HYCC1: variants seen among roughly 807,000 people sequenced by gnomAD.
HYCC1 encodes the protein hyccin.
chr7:22,982,867 G>T, the HYCC1 span, among the ~76,000 whole-genome samples: 1 of 152,076 alleles, frequency 6.6e-6, no homozygotes, highest in Admixed American at 6.6e-5. Flanking sequence ...TCCTATCACA[G>T]CCTTACCCTC....
chr7:22,975,928 C>A, the HYCC1 span, among the ~76,000 whole-genome samples: 2 of 152,068 alleles, frequency 1.3e-5, no homozygotes, highest in African/African-American at 4.8e-5. Flanking sequence ...CTATGTTGCC[C>A]AGGCTGGTTT....
the HYCC1 span, chr7:23,014,113 ACTGCCG>A: frequency 8.5e-6 from 4 of 468,278 alleles, no homozygotes; most frequent in Non-Finnish European, 1.8e-5. Context: ...GAGAGCCACC[ACTGCCG>A]CCAGCCTCTC....
chr7:22,914,041 C>A, the HYCC1 span, among the ~76,000 whole-genome samples: 1 of 152,234 alleles, frequency 6.6e-6, no homozygotes, highest in African/African-American at 2.4e-5. Flanking sequence ...CCTTCCAATT[C>A]CAGTTCTTTT....
chr7:22,914,395 C>G, the HYCC1 span, among the ~76,000 whole-genome samples: 1 of 152,196 alleles, frequency 6.6e-6, no homozygotes. Flanking sequence ...ACCGTCTATT[C>G]CCCCTTCTTC....
At chr7:23,000,897 AACT>A in the HYCC1 span, among the ~76,000 whole-genome samples, 1 of 148,896 alleles carries the variant, frequency 6.7e-6, no homozygotes. Flanking sequence ...AAATTTAACT[AACT>A]ACTTGACAAA....
the HYCC1 span, among the ~76,000 whole-genome samples, chr7:22,982,895 T>C: frequency 9.3e-3 from 1,420 of 152,330 alleles, 17 homozygotes; most frequent in Admixed American, 0.038. Flanking sequence ...AACTACTGCA[T>C]TAGCCTATTC....
the HYCC1 span, among the ~76,000 whole-genome samples, chr7:22,897,306 T>C: frequency 2.6e-5 from 4 of 152,180 alleles, no homozygotes; most frequent in South Asian, 8.3e-4. Flanking sequence ...CTGATTTTAT[T>C]CAGTGACAGG....
the HYCC1 span, among the ~76,000 whole-genome samples, chr7:22,990,546 C>T: frequency 0.19 from 29,156 of 152,182 alleles, 3,389 homozygotes; most frequent in Non-Finnish European, 0.26. Context: ...ACTATTTTAG[C>T]TATCCTAGAG....
At chr7:22,897,651 G>T in the HYCC1 span, among the ~76,000 whole-genome samples, 7 of 152,138 alleles carry the variant, frequency 4.6e-5, no homozygotes, top group South Asian at 1.4e-3. Context: ...TTTGAGGCAA[G>T]GTCTTGCTCT....
chr7:22,945,650 A>T, the HYCC1 span: 1 of 1,613,772 alleles, frequency 6.2e-7, no homozygotes, highest in Non-Finnish European at 8.5e-7. Context: ...TTGATGCTTC[A>T]TTGGAAGTTC....
chr7:22,998,231 T>C, the HYCC1 span, among the ~76,000 whole-genome samples: 1 of 152,226 alleles, frequency 6.6e-6, no homozygotes, highest in South Asian at 2.1e-4. Flanking sequence ...GCAAACAGAA[T>C]GCTATGAAAC....
At chr7:23,003,023 G>A in the HYCC1 span, among the ~76,000 whole-genome samples, 1 of 152,072 alleles carries the variant, frequency 6.6e-6, no homozygotes, top group East Asian at 1.9e-4. Context: ...TACTGAATTA[G>A]GACCCATCCT....
chr7:22,923,429 T>C, the HYCC1 span, among the ~76,000 whole-genome samples: 1 of 152,186 alleles, frequency 6.6e-6, no homozygotes, highest in African/African-American at 2.4e-5. Flanking sequence ...AATTTATAGA[T>C]GTAACTTCCT....
At chr7:22,975,047 G>C in the HYCC1 span, among the ~76,000 whole-genome samples, 2 of 152,026 alleles carry the variant, frequency 1.3e-5, no homozygotes, top group Non-Finnish European at 1.5e-5. Flanking sequence ...ACCCAGTCTC[G>C]GGTATTTCTT....
the HYCC1 span, among the ~76,000 whole-genome samples, chr7:22,982,226 C>T: frequency 4.6e-5 from 7 of 152,268 alleles, no homozygotes; most frequent in African/African-American, 1.7e-4. Context: ...TAAAATCCTT[C>T]AAGAAAACAG....
At chr7:22,896,747 G>A in the HYCC1 span, among the ~76,000 whole-genome samples, 1 of 152,064 alleles carries the variant, frequency 6.6e-6, no homozygotes, top group African/African-American at 2.4e-5. Flanking sequence ...CCCAAAGGAG[G>A]GCCTTCTCTG....
At chr7:23,006,606 T>G in the HYCC1 span, among the ~76,000 whole-genome samples, 1 of 152,156 alleles carries the variant, frequency 6.6e-6, no homozygotes, top group Non-Finnish European at 1.5e-5. Context: ...TCTCTTAAAT[T>G]TCCAAGCCTA....
At chr7:22,950,443 A>C in the HYCC1 span, among the ~76,000 whole-genome samples, 1 of 152,018 alleles carries the variant, frequency 6.6e-6, no homozygotes, top group Admixed American at 6.6e-5. Context: ...CACTCAATAC[A>C]TCTTTTTTTG....
chr7:23,000,883 G>A, the HYCC1 span, among the ~76,000 whole-genome samples: 1 of 151,180 alleles, frequency 6.6e-6, no homozygotes, highest in Non-Finnish European at 1.5e-5. Context: ...GGCTTTCCTT[G>A]TGAAAATTTA....
Sources: allele counts gnomAD v4.1 joint callset (sites outside exome capture counted in the v4.1 genomes callset), GRCh38; gene constraint gnomAD v4.1.1; transcripts MANE v1.5; gene names NCBI Gene and HGNC (gene_info 2026-07-23, HGNC 2026-07-21).